Variants in DHX8 observed in about 807,000 individuals in gnomAD.
DHX8 encodes ATP-dependent RNA helicase DHX8.
In DHX8, 67 loss-of-function variants were observed where a neutral mutation model predicts 140.7. The observed-to-expected ratio is 0.48, with a 90% CI of 0.39 to 0.58. The LOEUF (loss-of-function observed/expected upper bound fraction) is 0.58. Among genes scored for constraint, DHX8 ranks in the 20% least tolerant of loss-of-function variants. DHX8 has a pLI of 0.00. For synonymous variants in DHX8, 533 were observed against 553.2 expected (o/e 0.96, Z 0.51); for missense variants, 887 against 1,550.7 (o/e 0.57, Z 7.19).
At position 43,495,477 on chromosome 17, in the gene DHX8, G is replaced by A. The variant is rs369986181; in HGVS notation, c.1213-704G>A. 9.2e-5 allele frequency among the ~76,000 whole-genome samples: 14 copies of A among 152,114 alleles called. No homozygotes were observed. The East Asian group carries it at 1.4e-3, about 15-fold the overall frequency. On this transcript the variant is annotated intron_variant, in intron 8 of 22. Transcript: ENST00000262415. Reference sequence around the variant, plus strand: ...AATTTTTTGTAGAGACAGTCTTGCCGTGTTACCAGTGCTCATCTCAAACTC... The same window carrying A: ...AATTTTTTGTAGAGACAGTCTTGCCATGTTACCAGTGCTCATCTCAAACTC...
intron 15 of DHX8, 84 bp downstream of exon 15, chr17:43,508,103 C>G: frequency 7.3e-7 from 1 of 1,361,576 alleles, no homozygotes; most frequent in East Asian, 2.4e-5. Context: ...ATCTTTTTTG[C>G]TAATCTTTTT....
chr17:43,532,762 G>A (rs777371885), intron 2 of DHX8: 12 of 1,613,884 alleles, frequency 7.4e-6, no homozygotes, highest in South Asian at 6.6e-5. Flanking sequence ...CCTGGTCCAC[G>A]GCTGGCTGGC....
At chr17:43,538,467 C>T (rs564103956) in intron 3 of DHX8, among the ~76,000 whole-genome samples, 5 of 152,196 alleles carry the variant, frequency 3.3e-5, no homozygotes, top group Non-Finnish European at 5.9e-5. Flanking sequence ...GTTGGTGATC[C>T]GAAGAGCTCT....
At position 43,492,177 on chromosome 17, in the gene DHX8, C is replaced by G; in HGVS notation, c.394-6C>G. On this transcript the variant is annotated splice_region_variant and splice_polypyrimidine_tract_variant and intron_variant, in intron 4 of 22. Transcript: ENST00000262415. Reference sequence around the variant, plus strand: ...TTCCTAACTTTGCCGGCCTCTACCTCTGCAGACCATGTTGGATGAAGATGA... The same window carrying G: ...TTCCTAACTTTGCCGGCCTCTACCTGTGCAGACCATGTTGGATGAAGATGA... The G allele has an allele frequency of 6.2e-7, 1 of 1,613,088 alleles. No individual in the cohort carries two copies. The highest frequency in any genetic ancestry group is 8.5e-7 in the Non-Finnish European group (1 of 1,179,096).
At chr17:43,529,097 GC>G, downstream of DHX8, 3 of 1,592,650 alleles carry the variant, frequency 1.9e-6, no homozygotes, top group East Asian at 2.2e-5. Flanking sequence ...CACAGCCACT[GC>G]CCCCCACCAC....
chr17:43,518,207 T>A (rs1199936689), intron 18 of DHX8: 1 of 152,210 alleles, frequency 6.6e-6, no homozygotes, highest in East Asian at 1.9e-4. Context: ...TTCATCATAG[T>A]TATTATTCAC....
rs549431115 is a variant in DHX8, at chr17:43,505,748, T to A, written c.1728+923T>A. 5.3e-4 allele frequency among the ~76,000 whole-genome samples: 80 copies of A among 152,246 alleles called. 2 individuals carry two copies. Among genetic ancestry groups the A allele is most frequent in the Admixed American group, 5.2e-3 (80 of 15,278 alleles). On this transcript the variant is annotated intron_variant, in intron 12 of 22. Transcript: ENST00000262415. ...CAGTCAATAAACTCATATGGGCAAC[T>A]CATAGAGTGCTTCGGTACTCTATAT...
intron 4 of DHX8, among the ~76,000 whole-genome samples, chr17:43,491,818 T>TA (rs1015833314): frequency 3.3e-5 from 5 of 152,114 alleles, no homozygotes; most frequent in African/African-American, 1.2e-4. Context: ...AAGGGCTATT[T>TA]AAAAAAATAA....
intron 2 of DHX8, among the ~76,000 whole-genome samples, chr17:43,535,556 C>T (rs890160188): frequency 6.6e-6 from 1 of 152,170 alleles, no homozygotes; most frequent in Non-Finnish European, 1.5e-5. Context: ...GGATTACAGG[C>T]GTGAGCCACC....
intron 3 of DHX8, among the ~76,000 whole-genome samples, chr17:43,542,258 C>A (rs1156504649): frequency 6.6e-6 from 1 of 152,110 alleles, no homozygotes; most frequent in Non-Finnish European, 1.5e-5. Flanking sequence ...GCACTTCCAG[C>A]AATTTTACAC....
At chr17:43,497,168 C>T (rs866256783) in intron 9 of DHX8, among the ~76,000 whole-genome samples, 1 of 152,080 alleles carries the variant, frequency 6.6e-6, no homozygotes, top group Non-Finnish European at 1.5e-5. Context: ...ACGTATCTAT[C>T]CCTAAACATT....
intron 12 of DHX8, among the ~76,000 whole-genome samples, chr17:43,506,527 G>A (rs1240885271): frequency 1.3e-5 from 2 of 151,550 alleles, no homozygotes; most frequent in East Asian, 4.0e-4. Flanking sequence ...GCTGAGGCAG[G>A]AGAATCACTT....
chr17:43,508,348 TGGTCTTCCTG>T lies in DHX8; in HGVS notation c.2331_2340del (p.Val778LeufsTer17). On this transcript the variant is annotated frameshift_variant, in exon 16 of 23. Transcript: ENST00000262415. LOFTEE classifies it high-confidence loss of function. Reference sequence around the variant, plus strand: ...TCTATTCTGCTCGTAGGTGATATCCTGGTCTTCCTGACTGGTCAGGAAGAAATTGATACTG... The same window carrying T: ...TCTATTCTGCTCGTAGGTGATATCCTACTGGTCAGGAAGAAATTGATACTG... 6.2e-7 allele frequency: 1 copy of T among 1,611,660 alleles called. No individual in the cohort carries two copies. Among genetic ancestry groups the T allele is most frequent in the Non-Finnish European group, 8.5e-7 (1 of 1,178,532 alleles).
At chr17:43,506,408 C>T (rs2154586628) in intron 12 of DHX8, among the ~76,000 whole-genome samples, 1 of 151,894 alleles carries the variant, frequency 6.6e-6, no homozygotes, top group East Asian at 2.0e-4. Flanking sequence ...CACCTGAGGT[C>T]AGGAGTTCGA....
At position 43,525,403 on chromosome 17, in the gene DHX8, G is replaced by A. The variant is rs1970578890; in HGVS notation, c.*1556G>A. On this transcript the variant is annotated 3_prime_UTR_variant, in exon 23 of 23. Coordinates refer to ENST00000262415, the MANE Select transcript of DHX8 (RefSeq NM_004941.3). ...TAAAGACAATTCAGAAAGAGTCCGA[G>A]GGAGAGGAATATAGGCCAGGCAATC... The A allele has an allele frequency of 2.0e-6, 2 of 982,110 alleles. No individual in the cohort carries two copies. The highest frequency in any genetic ancestry group is 2.4e-6 in the Non-Finnish European group (2 of 827,014). The allele number at this position is 982,110 out of a possible 1,614,324, so 60.8% of individuals were successfully genotyped here.
intron 17 of DHX8, among the ~76,000 whole-genome samples, chr17:43,514,167 C>T (rs1030171954): frequency 2.0e-5 from 3 of 150,214 alleles, no homozygotes; most frequent in Admixed American, 6.7e-5. Flanking sequence ...CATAGCAAGA[C>T]TCTGTCACTA....
chr17:43,499,189 G>A (rs1312876357), intron 10 of DHX8, among the ~76,000 whole-genome samples: 1 of 152,154 alleles, frequency 6.6e-6, no homozygotes, highest in Non-Finnish European at 1.5e-5. Flanking sequence ...TGGAAGCAGA[G>A]ATAGATAGGA....
downstream of DHX8, chr17:43,529,433 AT>A (rs1179478098): frequency 6.5e-7 from 1 of 1,542,148 alleles, no homozygotes; most frequent in Non-Finnish European, 8.8e-7. Context: ...ACGTGCCACC[AT>A]TTCCCAGGTT....
intron 2 of DHX8, chr17:43,533,375 A>AG: frequency 6.3e-7 from 1 of 1,597,428 alleles, no homozygotes; most frequent in Non-Finnish European, 8.6e-7. Flanking sequence ...GACAGGGGTG[A>AG]GGGGGCAGAG....
Sources: gnomAD v4.1 joint callset for allele counts (sites outside exome capture counted in the v4.1 genomes callset) on GRCh38, gnomAD v4.1.1 for gene constraint, MANE v1.5 for transcripts, NCBI Gene and HGNC (gene_info 2026-07-23, HGNC 2026-07-21) for gene names.